Variants in METTL8 observed in about 807,000 individuals in gnomAD.
METTL8 encodes tRNA N(3)-cytidine methyltransferase METTL8, mitochondrial.
METTL8 carries 32 observed loss-of-function variants against 48.7 expected under a neutral mutation model. That is an observed-to-expected ratio of 0.66 (90% CI 0.50 to 0.88). The LOEUF (loss-of-function observed/expected upper bound fraction) is 0.88. Ranked by LOEUF, METTL8 falls within the 40% of genes least tolerant of loss-of-function variation. METTL8 has a pLI of 0.00. For synonymous variants in METTL8, 136 were observed against 157.1 expected (o/e 0.87, Z 1.01); for missense variants, 464 against 474.4 (o/e 0.98, Z 0.20).
At chr2:171,396,588 G>T (rs1689087927) in intron 1 of METTL8, among the ~76,000 whole-genome samples, 1 of 152,024 alleles carries the variant, frequency 6.6e-6, no homozygotes, top group African/African-American at 2.4e-5. Context: ...CCTTGCTTTT[G>T]TATCCAAATT....
chr2:171,389,858 C>T (rs943874112), intron 2 of METTL8, among the ~76,000 whole-genome samples: 2 of 152,142 alleles, frequency 1.3e-5, no homozygotes, highest in African/African-American at 4.8e-5. Context: ...TCCAGAAGAT[C>T]CAGCTAAGAT....
chr2:171,326,765 C>G (rs1473747854), intron 7 of METTL8, among the ~76,000 whole-genome samples: 1 of 152,092 alleles, frequency 6.6e-6, no homozygotes, highest in Non-Finnish European at 1.5e-5. Context: ...CATTTGTACT[C>G]CCTTAGTACC....
At chr2:171,377,059 A>C (rs888213746) in intron 2 of METTL8, among the ~76,000 whole-genome samples, 1 of 152,038 alleles carries the variant, frequency 6.6e-6, no homozygotes, top group African/African-American at 2.4e-5. Context: ...ACAGCCAACT[A>C]ATCTTCAACA....
At chr2:171,434,021 GCAGGGCGCACACA>G (rs1020834829), upstream of METTL8, 10 of 276,046 alleles carry the variant, frequency 3.6e-5, no homozygotes, top group East Asian at 1.1e-3. Flanking sequence ...ATCCCTAAGT[GCAGGGCGCACACA>G]CGGGGCGGAG....
intron 2 of METTL8, among the ~76,000 whole-genome samples, chr2:171,387,210 C>T (rs1688145097): frequency 6.6e-6 from 1 of 152,160 alleles, no homozygotes; most frequent in African/African-American, 2.4e-5. Flanking sequence ...CACCCTGTAA[C>T]ACGCGCTCAC....
intron 6 of METTL8, among the ~76,000 whole-genome samples, chr2:171,331,527 G>A (rs943639546): frequency 6.8e-6 from 1 of 147,622 alleles, no homozygotes; most frequent in African/African-American, 2.5e-5. Flanking sequence ...AGCGATTCTC[G>A]TGCCTCAGCC....
intron 6 of METTL8, among the ~76,000 whole-genome samples, chr2:171,331,240 A>G (rs1379157271): frequency 1.3e-5 from 2 of 151,918 alleles, no homozygotes; most frequent in Non-Finnish European, 1.5e-5. Context: ...CCTCCCAAGT[A>G]GCTGGGATTA....
intron 2 of METTL8, among the ~76,000 whole-genome samples, chr2:171,370,799 A>C (rs1247028383): frequency 1.3e-5 from 2 of 152,142 alleles, no homozygotes; most frequent in Non-Finnish European, 2.9e-5. Flanking sequence ...TCAAAAATAA[A>C]TAAATAAATA....
chr2:171,330,114 G>C (rs553206435), intron 7 of METTL8, among the ~76,000 whole-genome samples: 68 of 152,280 alleles, frequency 4.5e-4, no homozygotes, highest in Non-Finnish European at 8.5e-4. Context: ...TGCTTCTTTA[G>C]AACAAAATTT....
rs1684467934 is a variant in METTL8, at chr2:171,320,377, A to G, written c.*3795T>C. ...TTGAAGCTTCTAAAGGTTAACTCAC[A>G]TGCTGTAATACATTATAGAAAGACA... On this transcript the variant is annotated 3_prime_UTR_variant, in exon 10 of 10. Coordinates refer to ENST00000375258, the MANE Select transcript of METTL8 (RefSeq NM_001321154.2). 4 of 152,262 alleles carry G rather than the reference A, an allele frequency of 2.6e-5. No homozygotes were observed. In the South Asian group the frequency reaches 8.3e-4, roughly 32 times the overall value. 9.4% of individuals were successfully genotyped at this position (152,262 alleles called of 1,614,324 possible).
chr2:171,367,868 G>C (rs1174155778), intron 2 of METTL8, among the ~76,000 whole-genome samples: 1 of 152,138 alleles, frequency 6.6e-6, no homozygotes, highest in Non-Finnish European at 1.5e-5. Context: ...GTAATGTCTA[G>C]AGCTGTGGTT....
At position 171,320,154 on chromosome 2, in the gene METTL8, T is replaced by C. The variant is rs1684455269; in HGVS notation, c.*4018A>G. On this transcript the variant is annotated 3_prime_UTR_variant, in exon 10 of 10. Coordinates refer to ENST00000375258, the MANE Select transcript of METTL8 (RefSeq NM_001321154.2). Reference sequence around the variant, plus strand: ...TCCCTTTTCTTTCTGTGCCAAAATCTACATTTCTATCTAGCAGCAAACCCC... The same window carrying C: ...TCCCTTTTCTTTCTGTGCCAAAATCCACATTTCTATCTAGCAGCAAACCCC... 1 of 151,972 alleles carries C rather than the reference T, an allele frequency of 6.6e-6. No individual in the cohort carries two copies. The allele number at this position is 151,972 out of a possible 1,614,324, so 9.4% of individuals were successfully genotyped here.
chr2:171,357,678 A>G (rs1430542136), intron 3 of METTL8, among the ~76,000 whole-genome samples: 4 of 151,942 alleles, frequency 2.6e-5, no homozygotes, highest in South Asian at 2.1e-4. Context: ...ATAGAGCACA[A>G]AATCCTGAAA....
chr2:171,370,062 T>A (rs980272433), intron 2 of METTL8, among the ~76,000 whole-genome samples: 13 of 142,828 alleles, frequency 9.1e-5, no homozygotes, highest in Non-Finnish European at 1.8e-4. Flanking sequence ...AGAGACTCCA[T>A]CTCAAAAAAA....
intron 3 of METTL8, among the ~76,000 whole-genome samples, chr2:171,356,740 C>CT (rs1427043635): frequency 3.3e-5 from 5 of 151,958 alleles, no homozygotes; most frequent in Non-Finnish European, 4.4e-5. Flanking sequence ...AGATTTCATT[C>CT]TTTTTTTATG....
intron 3 of METTL8, among the ~76,000 whole-genome samples, chr2:171,359,769 C>T (rs1271310785): frequency 2.0e-5 from 3 of 152,098 alleles, no homozygotes; most frequent in Non-Finnish European, 2.9e-5. Context: ...TGTGCCACCA[C>T]GACCAGCTAA....
intron 3 of METTL8, among the ~76,000 whole-genome samples, chr2:171,341,264 G>A (rs1237948602): frequency 6.6e-6 from 1 of 150,474 alleles, no homozygotes; most frequent in Non-Finnish European, 1.5e-5. Context: ...GGAGGCGGAG[G>A]TTGCAGTGAG....
intron 1 of METTL8, among the ~76,000 whole-genome samples, chr2:171,394,724 T>C (rs1009268756): frequency 2.0e-5 from 3 of 152,216 alleles, no homozygotes; most frequent in Non-Finnish European, 4.4e-5. Context: ...ATAATATAAA[T>C]ACATAATAAA....
chr2:171,346,125 C>T (rs1321705073), intron 3 of METTL8, among the ~76,000 whole-genome samples: 2 of 152,074 alleles, frequency 1.3e-5, no homozygotes, highest in Non-Finnish European at 2.9e-5. Flanking sequence ...ACCTCCTGGG[C>T]TCAAGTGATC....
Sources: gnomAD v4.1 joint callset for allele counts (sites outside exome capture counted in the v4.1 genomes callset) on GRCh38, gnomAD v4.1.1 for gene constraint, MANE v1.5 for transcripts, NCBI Gene and HGNC (gene_info 2026-07-23, HGNC 2026-07-21) for gene names.